Variants in FBP1 observed in about 807,000 individuals in gnomAD.
FBP1 encodes the protein fructose-bisphosphatase 1.
A neutral mutation model predicts 29.9 loss-of-function variants in FBP1; 22 were observed. The observed-to-expected ratio is 0.74, with a 90% CI of 0.53 to 1.05. The LOEUF is 1.05. FBP1 is among the 50% of genes least tolerant of loss of function. FBP1 has a pLI of 0.00. For synonymous variants in FBP1, 175 were observed against 178.6 expected (o/e 0.98, Z 0.16); for missense variants, 345 against 448.2 (o/e 0.77, Z 2.08).
intron 1 of FBP1, among the ~76,000 whole-genome samples, chr9:94,625,383 G>T (rs1024117156): frequency 1.3e-5 from 2 of 152,180 alleles, no homozygotes; most frequent in Non-Finnish European, 2.9e-5. Flanking sequence ...CATGGCACAG[G>T]GTCCTCAGCA....
rs776366063 is a variant in FBP1, at chr9:94,620,356, G to A, written c.306C>T (p.His102=). 43 of 1,614,080 alleles carry A rather than the reference G, an allele frequency of 2.7e-5. No individual in the cohort carries two copies. The highest frequency in any genetic ancestry group is 2.3e-4 in the Admixed American group (14 of 60,008). The change falls in exon 2 of 7, where the codon CAC becomes CAT. Residue 102 remains histidine (H), a synonymous_variant. Transcript: ENST00000375326. ...TTTTCTCCGGTTCCACTATGATGGC[G>A]TGTTTATCTTCTTCTGACACGAGAA... ...TCVLVSEEDK[H]AIIVEPEKRG...
intron 3 of FBP1, among the ~76,000 whole-genome samples, chr9:94,617,302 T>C (rs1197966792): frequency 2.0e-5 from 3 of 152,124 alleles, no homozygotes; most frequent in Non-Finnish European, 4.4e-5. Context: ...AATGTAAAAA[T>C]GGTTATTCTT....
At chr9:94,637,026 A>G (rs1217174639) in intron 1 of FBP1, among the ~76,000 whole-genome samples, 3 of 152,178 alleles carry the variant, frequency 2.0e-5, no homozygotes, top group African/African-American at 7.2e-5. Flanking sequence ...CCTGGTCCTC[A>G]AAGGCAGTTA....
chr9:94,623,133 T>C (rs1309951451), intron 1 of FBP1, among the ~76,000 whole-genome samples: 1 of 152,078 alleles, frequency 6.6e-6, no homozygotes, highest in Non-Finnish European at 1.5e-5. Context: ...TATAGCCGTA[T>C]GCCACCACAT....
chr9:94,608,715 C>T (rs957605146), intron 4 of FBP1, among the ~76,000 whole-genome samples: 1 of 152,048 alleles, frequency 6.6e-6, no homozygotes, highest in African/African-American at 2.4e-5. Flanking sequence ...TGAAAGTCCA[C>T]TTCCCTGACA....
At chr9:94,621,394 T>TGAAA (rs1563984740) in intron 1 of FBP1, among the ~76,000 whole-genome samples, 1 of 124,682 alleles carries the variant, frequency 8.0e-6, no homozygotes, top group East Asian at 3.3e-4. Flanking sequence ...AGATTCCGTC[T>TGAAA]AAAAATATAT....
intron 6 of FBP1, among the ~76,000 whole-genome samples, chr9:94,604,547 G>T (rs1055727429): frequency 4.6e-5 from 7 of 151,658 alleles, no homozygotes; most frequent in Admixed American, 4.6e-4. Context: ...ACTTTGGGAG[G>T]CTGTGGCGGG....
At position 94,617,877 on chromosome 9, in the gene FBP1, G is replaced by T. The variant is rs375155560; in HGVS notation, c.334-17C>A. ...ATATTTACCCTGAGCACAGAAAAAA[G>T]AAATACAACCTTAAAATGTTATAGC... On this transcript the variant is annotated splice_polypyrimidine_tract_variant and intron_variant, in intron 2 of 6. Transcript: ENST00000375326. 1.5e-4 allele frequency: 240 copies of T among 1,562,974 alleles called. 2 individuals are homozygous for T. The Middle Eastern group carries it at 3.8e-3, about 25-fold the overall frequency.
intron 3 of FBP1, among the ~76,000 whole-genome samples, chr9:94,614,228 G>A (rs1827829820): frequency 6.7e-6 from 1 of 148,444 alleles, no homozygotes; most frequent in Non-Finnish European, 1.5e-5. Flanking sequence ...GAGGGACAGG[G>A]AGAAGAAAGA....
rs1292571475 is a variant in FBP1, at chr9:94,604,344, G to A, written c.826-772C>T. On this transcript the variant is annotated intron_variant, in intron 6 of 6. Transcript: ENST00000375326. Reference sequence around the variant, plus strand: ...GCTAACCACACAGGTTGATATGCCCGAGGCAGCTACAGCTGGATGATGGTT... The same window carrying A: ...GCTAACCACACAGGTTGATATGCCCAAGGCAGCTACAGCTGGATGATGGTT... Among the ~76,000 whole-genome samples the A allele has an allele frequency of 1.3e-5, 2 of 152,288 alleles. 1 individual carries two copies. The highest frequency in any genetic ancestry group is 6.8e-3 in the Middle Eastern group (2 of 294).
chr9:94,607,328 A>G (rs1244294462), intron 4 of FBP1, among the ~76,000 whole-genome samples: 1 of 152,140 alleles, frequency 6.6e-6, no homozygotes, highest in Non-Finnish European at 1.5e-5. Context: ...TACCAAACAG[A>G]AAAAAGGGTT....
intron 2 of FBP1, 101 bp from the exon 3 acceptor site, chr9:94,617,961 A>G: frequency 1.1e-6 from 1 of 893,838 alleles, no homozygotes; most frequent in Non-Finnish European, 1.8e-6. Context: ...AAGAAAGTTC[A>G]AAAAATGTGG....
intron 1 of FBP1, among the ~76,000 whole-genome samples, chr9:94,626,377 T>C (rs1227584740): frequency 6.6e-6 from 1 of 152,176 alleles, no homozygotes; most frequent in Non-Finnish European, 1.5e-5. Flanking sequence ...CAGCCAACTA[T>C]GCTGCCATGT....
At chr9:94,627,895 T>G (rs1828048324) in intron 1 of FBP1, among the ~76,000 whole-genome samples, 1 of 152,164 alleles carries the variant, frequency 6.6e-6, no homozygotes, top group Non-Finnish European at 1.5e-5. Flanking sequence ...GGCCAAGACA[T>G]GGGCTGAACT....
In FBP1 at chr9:94,606,911, T is replaced by C; in HGVS notation, c.609A>G (p.Ile203Met). 6.2e-7 allele frequency: 1 copy of C among 1,614,148 alleles called. No individual in the cohort carries two copies. Among genetic ancestry groups the C allele is most frequent in the Non-Finnish European group, 8.5e-7 (1 of 1,179,992 alleles). Reference sequence around the variant, plus strand: ...GGCTGTAGATTTTACCTTTCTTTTTTATCTTCACATCCTTGTCCACCAAAA... The same window carrying C: ...GGCTGTAGATTTTACCTTTCTTTTTCATCTTCACATCCTTGTCCACCAAAA... ...EFILVDKDVK[I>M]KKKGKIYSLN... Residue 203 changes from isoleucine to methionine, a missense_variant, in exon 5 of 7, where the codon ATA (isoleucine) becomes ATG (methionine). Coordinates refer to ENST00000375326, the MANE Select transcript of FBP1 (RefSeq NM_000507.4).
rs1420752186 is a variant in FBP1 at position 94,616,410 on chromosome 9, T to A, written c.426+1358A>T. Among the ~76,000 whole-genome samples the A allele has an allele frequency of 3.3e-5, 3 of 90,666 alleles. No individual in the cohort carries two copies. The East Asian group carries it at 1.5e-3, about 45-fold the overall frequency. The allele number at this position is 90,666 out of a possible 152,430, so 59.5% of individuals were successfully genotyped here. ...TTCATTCATGTCACCAAAAACTATT[T>A]GTACCCCCCAAAGCTGTTAAAACTA... On this transcript the variant is annotated intron_variant, in intron 3 of 6. Transcript: ENST00000375326.
Position 94,603,531 on chromosome 9 carries a change from C to G in FBP1, c.867G>C (p.Met289Ile). The G allele has an allele frequency of 6.2e-7, 1 of 1,614,186 alleles. No homozygotes were observed. The highest frequency in any genetic ancestry group is 8.5e-7 in the Non-Finnish European group (1 of 1,180,018). ...TGGTGGCCATTCCCCCAGCCTTCTC[C>G]ATGACGTAGGCCATGGGGTTGCATT... Reference protein sequence around the residue: ...LYECNPMAYVMEKAGGMATTG... With the variant: ...LYECNPMAYVIEKAGGMATTG... The change falls in exon 7 of 7, where the codon ATG becomes ATC. Residue 289 changes from methionine (M) to isoleucine (I), a missense_variant. Transcript: ENST00000375326.
chr9:94,630,961 G>A (rs540374684), intron 1 of FBP1, among the ~76,000 whole-genome samples: 1 of 152,304 alleles, frequency 6.6e-6, no homozygotes, highest in Admixed American at 6.5e-5. Flanking sequence ...CTGGGGATTG[G>A]GGGAAGGGGA....
intron 3 of FBP1, among the ~76,000 whole-genome samples, chr9:94,613,931 A>G (rs569782236): frequency 1.2e-3 from 178 of 150,026 alleles, no homozygotes; most frequent in African/African-American, 4.2e-3. Context: ...TACAAAAAAA[A>G]TTAGCCAAGC....
Sources: gnomAD v4.1 joint callset for allele counts (sites outside exome capture counted in the v4.1 genomes callset) on GRCh38, gnomAD v4.1.1 for gene constraint, MANE v1.5 for transcripts, NCBI Gene and HGNC (gene_info 2026-07-23, HGNC 2026-07-21) for gene names.